PRKN: variants seen among roughly 807,000 people sequenced by gnomAD.
The protein encoded by PRKN is E3 ubiquitin-protein ligase parkin.
PRKN carries 56 observed loss-of-function variants against 59.5 expected under a neutral mutation model. The observed-to-expected ratio is 0.94, with a 90% CI of 0.76 to 1.18. PRKN has a LOEUF of 1.18. Among genes scored for constraint, PRKN ranks in the 50% most tolerant of loss-of-function variants. PRKN has a pLI of 0.00. For synonymous variants in PRKN, 250 were observed against 222.1 expected, an observed-to-expected ratio of 1.13 and a Z score of -1.12; for missense variants, 657 against 596.4, an observed-to-expected ratio of 1.10 and a Z score of -1.06.
intron 4 of PRKN, among the ~76,000 whole-genome samples, chr6:162,067,402 T>C (rs2128289622): frequency 6.6e-6 from 1 of 152,344 alleles, no homozygotes; most frequent in South Asian, 2.1e-4. Context: ...AATTTTCTTT[T>C]ACATACATGA....
At chr6:161,556,640 T>G (rs1780249475) in intron 8 of PRKN, among the ~76,000 whole-genome samples, 1 of 152,226 alleles carries the variant, frequency 6.6e-6, no homozygotes, top group Non-Finnish European at 1.5e-5. Context: ...AATGGTAAAG[T>G]AACTAATAAA....
At chr6:162,558,747 T>C (rs1331621895) in intron 1 of PRKN, among the ~76,000 whole-genome samples, 4 of 152,040 alleles carry the variant, frequency 2.6e-5, no homozygotes, top group African/African-American at 9.7e-5. Flanking sequence ...CAAGCGATTC[T>C]TCTGCCTCAG....
At chr6:162,291,995 C>G (rs1181578149) in intron 2 of PRKN, among the ~76,000 whole-genome samples, 1 of 143,476 alleles carries the variant, frequency 7.0e-6, no homozygotes. Flanking sequence ...CGGACTTTCA[C>G]TCTTGTCATC....
intron 6 of PRKN, among the ~76,000 whole-genome samples, chr6:161,838,514 G>T (rs1488558981): frequency 6.6e-6 from 1 of 152,216 alleles, no homozygotes; most frequent in Non-Finnish European, 1.5e-5. Flanking sequence ...CATCTGGCAG[G>T]ATTGTCATGG....
intron 7 of PRKN, among the ~76,000 whole-genome samples, chr6:161,721,008 TGGAAA>T (rs1290819923): frequency 1.3e-5 from 2 of 152,318 alleles, no homozygotes; most frequent in East Asian, 3.9e-4. Flanking sequence ...AGGAATATCA[TGGAAA>T]AACTTTCCCA....
At chr6:162,661,440 G>A (rs1000191834) in intron 1 of PRKN, among the ~76,000 whole-genome samples, 3 of 152,144 alleles carry the variant, frequency 2.0e-5, no homozygotes, top group African/African-American at 2.4e-5. Context: ...ATAAAGACAA[G>A]TAGTAATGAG....
At chr6:162,546,111 T>G (rs1779108412) in intron 1 of PRKN, among the ~76,000 whole-genome samples, 1 of 148,882 alleles carries the variant, frequency 6.7e-6, no homozygotes, top group Non-Finnish European at 1.5e-5. Flanking sequence ...TTTTTTTTTT[T>G]TTTTTTTTTT....
At chr6:162,702,472 C>T (rs1778192960) in intron 1 of PRKN, among the ~76,000 whole-genome samples, 1 of 152,032 alleles carries the variant, frequency 6.6e-6, no homozygotes, top group Non-Finnish European at 1.5e-5. Context: ...CTACCATTTC[C>T]TGATTTTCTC....
intron 3 of PRKN, among the ~76,000 whole-genome samples, chr6:162,209,855 G>A (rs1785122851): frequency 6.6e-6 from 1 of 151,968 alleles, no homozygotes; most frequent in Non-Finnish European, 1.5e-5. Flanking sequence ...ACTATCACAA[G>A]GACAGAAAAC....
chr6:162,303,397 A>G (rs1473987963), intron 2 of PRKN, among the ~76,000 whole-genome samples: 7 of 152,272 alleles, frequency 4.6e-5, no homozygotes, highest in Non-Finnish European at 2.9e-5. Context: ...TCCACTGTGC[A>G]TCTCTGTTCA....
Position 162,262,742 on chromosome 6 carries a change from G to T in PRKN, c.195C>A (p.Ser65Arg). The T allele has an allele frequency of 6.2e-7, 1 of 1,604,044 alleles. No individual in the cohort carries two copies. Among genetic ancestry groups the T allele is most frequent in the Non-Finnish European group, 8.5e-7 (1 of 1,178,144 alleles). The part of the protein sequence containing the change: ...TVQNCDLDQQ[S>R]IVHIVQRPWR... ...ACGGTCTCTGCACAATGTGAACAAT[G>T]CTCTGCTGATCCAGGTCACAATTCT... The change falls in exon 3 of 12, where the codon AGC becomes AGA. Residue 65 changes from serine to arginine, a missense_variant. Coordinates refer to ENST00000366898, the MANE Select transcript of PRKN (RefSeq NM_004562.3).
intron 4 of PRKN, among the ~76,000 whole-genome samples, chr6:162,146,657 A>G (rs1293471244): frequency 2.0e-5 from 3 of 152,012 alleles, no homozygotes; most frequent in Non-Finnish European, 4.4e-5. Context: ...GGCATGCACC[A>G]TCATGCCTGG....
chr6:162,312,396 C>G (rs7762805), intron 2 of PRKN, among the ~76,000 whole-genome samples: 28,447 of 151,996 alleles, frequency 0.19, 4,687 homozygotes, highest in African/African-American at 0.45. Flanking sequence ...TTTAGAATCC[C>G]ATTCCTACCC....
intron 3 of PRKN, among the ~76,000 whole-genome samples, chr6:162,227,063 G>A (rs74384373): frequency 0.041 from 6,211 of 152,284 alleles, 195 homozygotes; most frequent in Non-Finnish European, 0.063. Context: ...ACAGCAGGAG[G>A]AGCACAATGG....
At chr6:161,585,548 T>C (rs926649435) in intron 7 of PRKN, among the ~76,000 whole-genome samples, 3 of 152,252 alleles carry the variant, frequency 2.0e-5, no homozygotes, top group African/African-American at 7.2e-5. Context: ...TTTGTGTATC[T>C]AACAATTAAG....
At chr6:162,343,137 G>A (rs1784259392) in intron 2 of PRKN, among the ~76,000 whole-genome samples, 1 of 152,098 alleles carries the variant, frequency 6.6e-6, no homozygotes, top group Non-Finnish European at 1.5e-5. Flanking sequence ...AGAAATATCT[G>A]CTTATTACAT....
chr6:161,599,111 C>T (rs1226214669), intron 7 of PRKN, among the ~76,000 whole-genome samples: 1 of 152,196 alleles, frequency 6.6e-6, no homozygotes, highest in African/African-American at 2.4e-5. Flanking sequence ...AGATCCTTCC[C>T]AGAGCCTTCA....
At chr6:162,604,447 A>C (rs995776472) in intron 1 of PRKN, among the ~76,000 whole-genome samples, 5 of 152,212 alleles carry the variant, frequency 3.3e-5, no homozygotes, top group Non-Finnish European at 7.3e-5. Flanking sequence ...ATTGATTGGA[A>C]AAGCACTGCA....
chr6:161,434,430 C>G (rs1788790618), intron 9 of PRKN, among the ~76,000 whole-genome samples: 1 of 152,176 alleles, frequency 6.6e-6, no homozygotes, highest in Non-Finnish European at 1.5e-5. Flanking sequence ...CCCTAAGTTT[C>G]TGCTTTGCAC....
Sources: gnomAD v4.1 joint callset for allele counts (sites outside exome capture counted in the v4.1 genomes callset) on GRCh38, gnomAD v4.1.1 for gene constraint, MANE v1.5 for transcripts, NCBI Gene and HGNC (gene_info 2026-07-23, HGNC 2026-07-21) for gene names.